ZNF462: variants seen among roughly 807,000 people sequenced by gnomAD.
ZNF462 encodes the protein zinc finger protein 462.
Under a neutral mutation model 201.9 loss-of-function variants are expected in ZNF462, and 10 were observed. The ratio of observed to expected loss-of-function variants is 0.05; its 90% CI spans 0.03 to 0.08. The LOEUF (loss-of-function observed/expected upper bound fraction) is 0.08, where lower values mean the gene tolerates loss of function less well. Ranked by LOEUF, ZNF462 falls within the 10% of genes least tolerant of loss-of-function variation. The pLI is 1.00. For missense variants in ZNF462, 2,523 were observed against 3,168.3 expected (o/e 0.80, Z 4.89); for synonymous variants, 1,227 against 1,193.3 (o/e 1.03, Z -0.58).
chr9:106,980,351 G>T (rs1006668328), intron 9 of ZNF462, among the ~76,000 whole-genome samples: 6 of 152,142 alleles, frequency 3.9e-5, no homozygotes, highest in African/African-American at 1.4e-4. Context: ...CTCTAGAGTG[G>T]CAATTTGCAC....
chr9:106,885,112 A>G lies in ZNF462; in HGVS notation c.-31+21757A>G, dbSNP rs1828262821. ...TAAAAAGGAAAATGGCCCTGTTGCA[A>G]AATTTGGCAGGTCAGACACTTCAGC... On this transcript the variant is annotated intron_variant, in intron 1 of 12. Coordinates refer to ENST00000277225, the MANE Select transcript of ZNF462 (RefSeq NM_021224.6). This position sits in a 1 kb window ranked among gnomAD's most constrained non-coding sequence, Gnocchi z 4.1. Among the ~76,000 whole-genome samples, 1 of 152,216 alleles carries G rather than the reference A, an allele frequency of 6.6e-6. No individual in the cohort carries two copies. Among genetic ancestry groups the G allele is most frequent in the African/African-American group, 2.4e-5 (1 of 41,444 alleles).
At position 106,932,311 on chromosome 9, in the gene ZNF462, G is replaced by A. The variant is rs1295135693; in HGVS notation, c.6013-135G>A. On this transcript the variant is annotated intron_variant, in intron 4 of 12. Coordinates refer to ENST00000277225, the MANE Select transcript of ZNF462 (RefSeq NM_021224.6). The surrounding 1 kb of genome is among the most constrained non-coding windows in gnomAD (Gnocchi z 6.8). ...CTTGTTCCTGGATGGATTGGAAGCAGCCAAAGACGCCAGTGGCGCCCTGGT... is the reference window on the plus strand; with the variant it reads ...CTTGTTCCTGGATGGATTGGAAGCAACCAAAGACGCCAGTGGCGCCCTGGT... 3.9e-6 allele frequency: 6 copies of A among 1,553,606 alleles called. No homozygotes were observed. In the South Asian group the frequency reaches 4.7e-5, roughly 12 times the overall value.
Position 106,927,792 on chromosome 9 carries a change from A to C in ZNF462, c.3880A>C (p.Thr1294Pro). The C allele has an allele frequency of 6.2e-7, 1 of 1,614,166 alleles. No individual in the cohort carries two copies. The highest frequency in any genetic ancestry group is 8.5e-7 in the Non-Finnish European group (1 of 1,180,032). ...IKKDHPALKA[T>P]VTSIMRWAFL... ...GAAAGACCACCCCGCCCTGAAAGCC[A>C]CAGTCACGTCCATCATGCGATGGGC... The change falls in exon 3 of 13, where the codon ACA (threonine) becomes CCA (proline). Residue 1294 changes from threonine (T) to proline (P), a missense_variant. By Grantham distance (38) the Thr-to-Pro change is conservative (BLOSUM62 -1). Around this residue, in one of 15 missense-constraint regions of ZNF462, gnomAD observed 222 missense variants for 271.6 expected, o/e 0.82. Coordinates refer to ENST00000277225, the MANE Select transcript of ZNF462 (RefSeq NM_021224.6).
In ZNF462 at chr9:107,003,177, G is replaced by C. The variant is rs1178572303; in HGVS notation, c.7057-117G>C. The C allele has an allele frequency of 7.1e-7, 1 of 1,405,704 alleles. No individual in the cohort carries two copies. Among genetic ancestry groups the C allele is most frequent in the Non-Finnish European group, 9.6e-7 (1 of 1,037,300 alleles). The allele number at this position is 1,405,704 out of a possible 1,614,324, so 87.1% of individuals were successfully genotyped here. ...GACCTCTTAGGCCCCGGAGTTGTTT[G>C]GTCCTGGTTGCAAAACCACAGTCAC... is the stretch of plus-strand genomic sequence containing the variant. On this transcript the variant is annotated intron_variant, in intron 10 of 12. Transcript: ENST00000277225. The surrounding 1 kb of genome is among the most constrained non-coding windows in gnomAD (Gnocchi z 4.4).
At chr9:106,941,085 C>A (rs1830849322) in intron 7 of ZNF462, among the ~76,000 whole-genome samples, 1 of 152,118 alleles carries the variant, frequency 6.6e-6, no homozygotes, top group Non-Finnish European at 1.5e-5. Context: ...CTTTGTCTGT[C>A]TTCCTTGAAA....
chr9:106,986,375 G>C (rs1235876895), intron 10 of ZNF462, among the ~76,000 whole-genome samples: 1 of 152,014 alleles, frequency 6.6e-6, no homozygotes, highest in African/African-American at 2.4e-5. Flanking sequence ...TAAATTTCTG[G>C]GTCTGTTTTC....
intron 7 of ZNF462, among the ~76,000 whole-genome samples, chr9:106,967,587 G>T (rs965362331): frequency 1.3e-5 from 2 of 152,002 alleles, no homozygotes; most frequent in African/African-American, 4.8e-5. Context: ...CCCTTACCTG[G>T]TTTGAAATCC....
In ZNF462 at chr9:106,922,339, TG is replaced by T. The variant is rs534992604; in HGVS notation, c.-30-1013del. Among the ~76,000 whole-genome samples the T allele has an allele frequency of 8.5e-5, 13 of 152,326 alleles. No individual in the cohort carries two copies. The East Asian group carries it at 2.5e-3, about 29-fold the overall frequency. ...TTCTAATACATTTTTGACTTCTTGA[TG>T]GTGGGACTCTCCTTTGAGTTAGTGT... On this transcript the variant is annotated intron_variant, in intron 1 of 12. Coordinates refer to ENST00000277225, the MANE Select transcript of ZNF462 (RefSeq NM_021224.6).
intron 8 of ZNF462, 150 bp from the exon 9 acceptor site, chr9:106,973,986 TG>T: frequency 1.0e-6 from 1 of 967,402 alleles, no homozygotes; most frequent in Non-Finnish European, 1.5e-6. Context: ...AGTTTCTGGG[TG>T]GTCAACAAAC....
At chr9:106,987,296 G>A (rs1019925478) in intron 10 of ZNF462, among the ~76,000 whole-genome samples, 16 of 152,012 alleles carry the variant, frequency 1.1e-4, no homozygotes, top group African/African-American at 2.4e-4. Context: ...AGAAGTGTTC[G>A]CTCTTCGTTG....
Position 106,928,599 on chromosome 9 carries a change from G to A in ZNF462, c.4687G>A (p.Val1563Met), listed in dbSNP as rs746218525. The A allele has an allele frequency of 1.5e-5, 25 of 1,614,104 alleles. No homozygotes were observed. The highest frequency in any genetic ancestry group is 8.8e-5 in the South Asian group (8 of 91,084). ...EQSADISQND[V>M]EETSRIFKQG... The stretch of plus-strand genomic sequence containing the variant: ...GTCTGCTGACATATCCCAGAATGAC[G>A]TGGAGGAGACGAGCAGGATCTTCAA... Residue 1563 changes from valine to methionine, a missense_variant, in exon 3 of 13, where the codon GTG becomes ATG. By Grantham distance (21) the Val-to-Met change is conservative. Coordinates refer to ENST00000277225, the MANE Select transcript of ZNF462 (RefSeq NM_021224.6). This position sits in a 1 kb window ranked among gnomAD's most constrained non-coding sequence, Gnocchi z 9.3.
At position 107,012,212 on chromosome 9, in the gene ZNF462, C is replaced by T. The variant is rs1829960589; in HGVS notation, c.*1182C>T. On this transcript the variant is annotated 3_prime_UTR_variant, in exon 13 of 13. Coordinates refer to ENST00000277225, the MANE Select transcript of ZNF462 (RefSeq NM_021224.6). ...GAGGTCCTCCTCACCCTTTTGTTGC[C>T]TGTCAAATTCACGCATTATCCGTCT... is the stretch of plus-strand genomic sequence containing the variant. 6.7e-6 allele frequency: 1 copy of T among 148,884 alleles called. No individual in the cohort carries two copies. Among genetic ancestry groups the T allele is most frequent in the African/African-American group, 2.5e-5 (1 of 40,482 alleles). The allele number at this position is 148,884 out of a possible 1,614,324, so 9.2% of individuals were successfully genotyped here. A position where few individuals can be genotyped will look rare whatever the true frequency, so the allele number is the denominator to read the frequency against.
At chr9:106,909,606 G>A (rs945597406) in intron 1 of ZNF462, among the ~76,000 whole-genome samples, 1 of 152,080 alleles carries the variant, frequency 6.6e-6, no homozygotes, top group African/African-American at 2.4e-5. Flanking sequence ...TTAAAAAACT[G>A]GTTGTGAACT....
At chr9:106,898,553 A>G (rs530044827) in intron 1 of ZNF462, among the ~76,000 whole-genome samples, 1 of 152,302 alleles carries the variant, frequency 6.6e-6, no homozygotes, top group South Asian at 2.1e-4. Context: ...ATATCCTACA[A>G]TGCCCAGGAC....
chr9:107,009,768 C>G lies in ZNF462; in HGVS notation c.7313+100C>G, dbSNP rs1337012917. 1.3e-6 allele frequency: 2 copies of G among 1,517,976 alleles called. No individual in the cohort carries two copies. The highest frequency in any genetic ancestry group is 1.9e-5 in the Admixed American group (1 of 53,042). 94.0% of individuals were successfully genotyped at this position (1,517,976 alleles called of 1,614,324 possible). ...TTCCCCTGACAGTATGTACACCCCT[C>G]TGTGTCACATTTCTGGGCCGTGGGA... is the stretch of plus-strand genomic sequence containing the variant. On this transcript the variant is annotated intron_variant, in intron 12 of 12. Coordinates refer to ENST00000277225, the MANE Select transcript of ZNF462 (RefSeq NM_021224.6). This position sits in a 1 kb window ranked among gnomAD's most constrained non-coding sequence, Gnocchi z 6.1.
chr9:106,918,395 A>G (rs1461380704), intron 1 of ZNF462, among the ~76,000 whole-genome samples: 1 of 152,222 alleles, frequency 6.6e-6, no homozygotes, highest in Admixed American at 6.5e-5. Flanking sequence ...ATATTTAGAC[A>G]TTCTATATTT....
intron 7 of ZNF462, among the ~76,000 whole-genome samples, chr9:106,961,939 G>A (rs1430509578): frequency 1.3e-5 from 2 of 152,038 alleles, no homozygotes; most frequent in Non-Finnish European, 2.9e-5. Context: ...GGCATAAAAA[G>A]TGAATATTAG....
chr9:106,880,108 C>CA lies in ZNF462; in HGVS notation c.-31+16754dup, dbSNP rs2130924095. ...AGAGCTTTCCTAGGAATGGGACAAACAGAGTTGCTCGTAACCACCAAGAGC... is the reference window on the plus strand; with the variant it reads ...AGAGCTTTCCTAGGAATGGGACAAACAAGAGTTGCTCGTAACCACCAAGAGC... On this transcript the variant is annotated intron_variant, in intron 1 of 12. Coordinates refer to ENST00000277225, the MANE Select transcript of ZNF462 (RefSeq NM_021224.6). The surrounding 1 kb of genome is among the most constrained non-coding windows in gnomAD (Gnocchi z 4.1). 6.6e-6 allele frequency among the ~76,000 whole-genome samples: 1 copy of CA among 152,272 alleles called. No individual in the cohort carries two copies. The highest frequency in any genetic ancestry group is 1.5e-5 in the Non-Finnish European group (1 of 68,022).
Position 106,870,627 on chromosome 9 carries a change from A to G in ZNF462, c.-31+7272A>G, listed in dbSNP as rs543673961. 2.0e-5 allele frequency among the ~76,000 whole-genome samples: 3 copies of G among 152,358 alleles called. No individual in the cohort carries two copies. The highest frequency in any genetic ancestry group is 2.1e-4 in the South Asian group (1 of 4,824). Reference sequence around the variant, plus strand: ...ATGGAGAAAATTCTACTAGGAACCAATAGATCCTGATTAGAATGTTTTAGG... The same window carrying G: ...ATGGAGAAAATTCTACTAGGAACCAGTAGATCCTGATTAGAATGTTTTAGG... On this transcript the variant is annotated intron_variant, in intron 1 of 12. Coordinates refer to ENST00000277225, the MANE Select transcript of ZNF462 (RefSeq NM_021224.6). The surrounding 1 kb of genome is among the most constrained non-coding windows in gnomAD (Gnocchi z 4.3).
Sources: allele counts gnomAD v4.1 joint callset (sites outside exome capture counted in the v4.1 genomes callset), GRCh38; gene constraint gnomAD v4.1.1; regional missense constraint gnomAD v4.1.1; non-coding constraint Gnocchi (gnomAD v3.1); transcripts MANE v1.5; gene names NCBI Gene and HGNC (gene_info 2026-07-23, HGNC 2026-07-21).